The following EYS variants were observed in gnomAD, a reference collection of about 807,000 sequenced individuals.
EYS encodes protein eyes shut homolog.
A neutral mutation model predicts 282.1 loss-of-function variants in EYS; 250 were observed. The observed-to-expected ratio is 0.89, with a 90% confidence interval of 0.80 to 0.98. The LOEUF (loss-of-function observed/expected upper bound fraction) is 0.98. EYS is among the 50% of genes least tolerant of loss of function. EYS has a pLI of 0.00. For synonymous variants in EYS, 1,355 were observed against 1,282.9 expected (o/e 1.06, Z -1.20); for missense variants, 4,016 against 3,709.0 (o/e 1.08, Z -2.15).
intron 13 of EYS, among the ~76,000 whole-genome samples, chr6:65,027,321 A>G (rs2150141806): frequency 6.6e-6 from 1 of 152,288 alleles, no homozygotes; most frequent in Middle Eastern, 3.4e-3. Context: ...GTTCTAATAA[A>G]CTTTTCTAAT....
intron 26 of EYS, among the ~76,000 whole-genome samples, chr6:64,515,387 CTATTTAATTTTAAGTAAGT>C (rs1358336355): frequency 6.6e-6 from 1 of 151,212 alleles, no homozygotes; most frequent in East Asian, 1.9e-4. Context: ...TTGTAAATAT[CTATTTAATTTTAAGTAAGT>C]TATTTATTTT....
intron 12 of EYS, among the ~76,000 whole-genome samples, chr6:65,209,276 C>T (rs1303306835): frequency 1.3e-5 from 2 of 150,318 alleles, no homozygotes; most frequent in Non-Finnish European, 3.0e-5. Flanking sequence ...TTTTTACTTC[C>T]TATGTATATT....
intron 12 of EYS, among the ~76,000 whole-genome samples, chr6:65,189,766 C>A (rs1452284568): frequency 1.3e-5 from 2 of 151,708 alleles, no homozygotes; most frequent in Admixed American, 1.3e-4. Flanking sequence ...TGTCGAGTAG[C>A]CTCATCATTC....
At chr6:65,181,380 A>T (rs1322078213) in intron 12 of EYS, among the ~76,000 whole-genome samples, 1 of 152,150 alleles carries the variant, frequency 6.6e-6, no homozygotes, top group Non-Finnish European at 1.5e-5. Context: ...AAACAACCCT[A>T]TCAAAAAATG....
intron 12 of EYS, among the ~76,000 whole-genome samples, chr6:65,166,638 C>T (rs919114999): frequency 6.6e-6 from 1 of 151,088 alleles, no homozygotes; most frequent in Admixed American, 6.6e-5. Flanking sequence ...TCTATGAATA[C>T]ACCTTCATGA....
At chr6:65,018,478 A>C (rs2150137043) in intron 13 of EYS, among the ~76,000 whole-genome samples, 1 of 152,286 alleles carries the variant, frequency 6.6e-6, no homozygotes, top group African/African-American at 2.4e-5. Context: ...ATATTGGATT[A>C]AGGGCCCACC....
chr6:65,659,950 G>A (rs1291715388), intron 1 of EYS, among the ~76,000 whole-genome samples: 2 of 151,708 alleles, frequency 1.3e-5, no homozygotes, highest in African/African-American at 2.4e-5. Flanking sequence ...TAAGTATGGA[G>A]GGTGTTCATG....
intron 8 of EYS, among the ~76,000 whole-genome samples, chr6:65,378,671 T>C (rs2150347610): frequency 6.6e-6 from 1 of 152,276 alleles, no homozygotes; most frequent in African/African-American, 2.4e-5. Flanking sequence ...AAAGAAAATG[T>C]GGCAAATATA....
intron 9 of EYS, among the ~76,000 whole-genome samples, chr6:65,352,493 C>T (rs561613463): frequency 4.5e-4 from 68 of 151,804 alleles, no homozygotes; most frequent in African/African-American, 1.5e-3. Context: ...AAATAGATTG[C>T]GATAGAAATT....
In EYS at chr6:64,778,403, C is replaced by T. The variant is rs149093551; in HGVS notation, c.3443+34975G>A. 6.0e-3 allele frequency among the ~76,000 whole-genome samples: 907 copies of T among 152,270 alleles called. 7 individuals carry two copies. Among genetic ancestry groups the T allele is most frequent in the African/African-American group, 0.02 (831 of 41,564 alleles). On this transcript the variant is annotated intron_variant, in intron 22 of 42. Transcript: ENST00000503581. ...CTAGTGGTCTAAAATGAAAATAACC[C>T]AAGATATCCATCAGGGTTATGCAAA...
At chr6:65,667,713 A>T (rs1380630101) in intron 1 of EYS, among the ~76,000 whole-genome samples, 1 of 151,864 alleles carries the variant, frequency 6.6e-6, no homozygotes, top group South Asian at 2.1e-4. Flanking sequence ...GCTCCTTGAG[A>T]CCAAAGATTT....
At chr6:65,615,223 C>G (rs536693071) in intron 2 of EYS, among the ~76,000 whole-genome samples, 1 of 151,944 alleles carries the variant, frequency 6.6e-6, no homozygotes, top group South Asian at 2.1e-4. Flanking sequence ...TGATCAATAC[C>G]TTGCTTGAGA....
chr6:65,107,136 T>C (rs1775062556), intron 12 of EYS, among the ~76,000 whole-genome samples: 1 of 152,040 alleles, frequency 6.6e-6, no homozygotes, highest in Non-Finnish European at 1.5e-5. Flanking sequence ...TGCTTATAAA[T>C]GGCAGAGACT....
chr6:64,106,220 CT>C (rs869092006), intron 31 of EYS, among the ~76,000 whole-genome samples: 10 of 151,674 alleles, frequency 6.6e-5, no homozygotes, highest in African/African-American at 2.2e-4. Flanking sequence ...ATCAATTGAA[CT>C]TTTTTTAAAA....
chr6:65,523,770 C>T (rs1414489263), intron 2 of EYS, among the ~76,000 whole-genome samples: 7 of 152,112 alleles, frequency 4.6e-5, no homozygotes, highest in South Asian at 2.1e-4. Context: ...GGGTAGTCTA[C>T]GTTATGAGAG....
Position 65,392,308 on chromosome 6 carries a change from A to G in EYS, c.1185-7808T>C, listed in dbSNP as rs569569599. ...ACCAAAAGCAATGGCAACAAAAGCC[A>G]AAATTGACAAATGGGATCTAATTAA... On this transcript the variant is annotated intron_variant, in intron 7 of 42. Transcript: ENST00000503581. Among the ~76,000 whole-genome samples, 404 of 152,150 alleles carry G rather than the reference A, an allele frequency of 2.7e-3. 4 individuals are homozygous for G. The highest frequency in any genetic ancestry group is 9.4e-3 in the African/African-American group (389 of 41,516).
intron 31 of EYS, among the ~76,000 whole-genome samples, chr6:64,083,095 GAC>G (rs1228799962): frequency 6.6e-6 from 1 of 151,886 alleles, no homozygotes; most frequent in Admixed American, 6.6e-5. Context: ...TTTTAGTAGA[GAC>G]AGGGTTTCAC....
intron 31 of EYS, among the ~76,000 whole-genome samples, chr6:64,082,438 G>C (rs1772004458): frequency 6.6e-6 from 1 of 152,180 alleles, no homozygotes; most frequent in Admixed American, 6.5e-5. Flanking sequence ...TTTGATACAG[G>C]AATACAATGT....
chr6:65,482,294 C>A (rs2127256688), intron 5 of EYS, among the ~76,000 whole-genome samples: 1 of 152,190 alleles, frequency 6.6e-6, no homozygotes, highest in Admixed American at 6.5e-5. Context: ...AATTATCATT[C>A]CAAATTTTAT....
Sources: allele counts gnomAD v4.1 joint callset (sites outside exome capture counted in the v4.1 genomes callset), GRCh38; gene constraint gnomAD v4.1.1; transcripts MANE v1.5; gene names NCBI Gene and HGNC (gene_info 2026-07-23, HGNC 2026-07-21).